Variants in WDR7 observed in about 807,000 individuals in gnomAD.
WDR7 encodes the protein WD repeat-containing protein 7.
A neutral mutation model predicts 169.4 loss-of-function variants in WDR7; 46 were observed. That is an observed-to-expected ratio of 0.27 (90% CI 0.21 to 0.35). The LOEUF (loss-of-function observed/expected upper bound fraction) is 0.35. Among genes scored for constraint, WDR7 ranks in the 10% least tolerant of loss-of-function variants. The pLI is 1.00. For missense variants in WDR7, 1,534 were observed against 1,859.3 expected (o/e 0.83, Z 3.22); for synonymous variants, 612 against 666.8 (o/e 0.92, Z 1.27).
chr18:57,000,081 C>A (rs971055594), intron 26 of WDR7, among the ~76,000 whole-genome samples: 1 of 152,062 alleles, frequency 6.6e-6, no homozygotes, highest in Admixed American at 6.6e-5. Context: ...TTGGAAGTAT[C>A]CAAATATTTT....
chr18:56,778,082 A>G (rs560523485), intron 17 of WDR7, among the ~76,000 whole-genome samples: 2 of 152,308 alleles, frequency 1.3e-5, no homozygotes, highest in East Asian at 1.9e-4. Context: ...TATCTAAAGT[A>G]TATCTCCCTC....
chr18:56,846,692 A>T (rs1055868577), intron 20 of WDR7, among the ~76,000 whole-genome samples: 1 of 152,104 alleles, frequency 6.6e-6, no homozygotes, highest in African/African-American at 2.4e-5. Flanking sequence ...TGGCTGTTTT[A>T]AAAAAGTCTG....
chr18:56,972,294 G>C (rs1162957375), intron 26 of WDR7, among the ~76,000 whole-genome samples: 1 of 152,198 alleles, frequency 6.6e-6, no homozygotes. Context: ...TTTACTTCTA[G>C]TTAGGAGGAG....
intron 13 of WDR7, among the ~76,000 whole-genome samples, chr18:56,720,317 G>A (rs2026292833): frequency 6.6e-6 from 1 of 151,252 alleles, no homozygotes; most frequent in Admixed American, 6.6e-5. Context: ...GGGTGTGGGG[G>A]CACATGCCTG....
At chr18:56,726,860 C>CTT (rs1328403159) in intron 13 of WDR7, among the ~76,000 whole-genome samples, 1 of 152,098 alleles carries the variant, frequency 6.6e-6, no homozygotes, top group Non-Finnish European at 1.5e-5. Flanking sequence ...ACAATCCTGT[C>CTT]TGAGTCCTGG....
intron 20 of WDR7, chr18:56,872,739 G>A (rs373674898): frequency 3.3e-5 from 5 of 152,034 alleles, no homozygotes; most frequent in Admixed American, 6.5e-5. Flanking sequence ...GTGATCAACC[G>A]TCCTGTCAAG....
chr18:56,730,277 A>C (rs1305996097), intron 13 of WDR7, among the ~76,000 whole-genome samples: 1 of 152,200 alleles, frequency 6.6e-6, no homozygotes, highest in Non-Finnish European at 1.5e-5. Flanking sequence ...TGTTCGTGTT[A>C]TGGAGAAAAT....
chr18:56,754,361 GTATA>G (rs1278354464), intron 14 of WDR7, among the ~76,000 whole-genome samples: 85 of 149,638 alleles, frequency 5.7e-4, no homozygotes, highest in African/African-American at 2.0e-3. Flanking sequence ...ATATGTGTGT[GTATA>G]TATACACGTA....
At chr18:56,759,691 A>G (rs762984688) in intron 16 of WDR7, among the ~76,000 whole-genome samples, 1 of 152,204 alleles carries the variant, frequency 6.6e-6, no homozygotes, top group Non-Finnish European at 1.5e-5. Context: ...AAAGTAAAGA[A>G]GTAAGCAACA....
intron 7 of WDR7, among the ~76,000 whole-genome samples, chr18:56,689,734 A>G (rs757127606): frequency 6.6e-6 from 1 of 152,012 alleles, no homozygotes; most frequent in Non-Finnish European, 1.5e-5. Context: ...ATATTCCTAC[A>G]TTATTGGAAT....
chr18:56,964,894 T>C (rs982393998), intron 26 of WDR7, among the ~76,000 whole-genome samples: 1 of 152,214 alleles, frequency 6.6e-6, no homozygotes, highest in Non-Finnish European at 1.5e-5. Flanking sequence ...TTACCAGTTA[T>C]ATCCAGTGAC....
At chr18:56,696,538 TCTAGA>T in intron 12 of WDR7, 76 bp downstream of exon 12, 1 of 1,204,526 alleles carries the variant, frequency 8.3e-7, no homozygotes. Flanking sequence ...GTAAATGGAA[TCTAGA>T]CTAACTTAAA....
chr18:56,913,053 T>G (rs11872872), intron 21 of WDR7, among the ~76,000 whole-genome samples: 122,789 of 151,602 alleles, frequency 0.81, 50,227 homozygotes, highest in East Asian at 0.98. Context: ...CAAGAATTTT[T>G]TGTAGAGACA....
chr18:56,680,285 G>A (rs1279545212), intron 3 of WDR7, among the ~76,000 whole-genome samples: 1 of 152,178 alleles, frequency 6.6e-6, no homozygotes, highest in Non-Finnish European at 1.5e-5. Context: ...CCGAGCCCAG[G>A]AGATTGAGGC....
chr18:56,687,111 C>A, intron 7 of WDR7, 137 bp downstream of exon 7: 1 of 882,208 alleles, frequency 1.1e-6, no homozygotes, highest in Non-Finnish European at 1.6e-6. Flanking sequence ...CTTTTGATAT[C>A]ACATTTTGAG....
At chr18:56,863,038 T>C (rs1158696141) in intron 20 of WDR7, among the ~76,000 whole-genome samples, 1 of 151,840 alleles carries the variant, frequency 6.6e-6, no homozygotes, top group Non-Finnish European at 1.5e-5. Context: ...CCAGTGAGAT[T>C]TGAGAGTCAA....
At chr18:56,827,606 T>C (rs1184896411) in intron 20 of WDR7, among the ~76,000 whole-genome samples, 1 of 151,884 alleles carries the variant, frequency 6.6e-6, no homozygotes, top group Non-Finnish European at 1.5e-5. Flanking sequence ...GGTACAAAAA[T>C]AGGTAGAAAG....
intron 26 of WDR7, chr18:57,009,727 A>G (rs2048111859): frequency 2.0e-6 from 1 of 488,494 alleles, no homozygotes; most frequent in Non-Finnish European, 2.7e-6. Context: ...AACACTTTCA[A>G]GCATTTCTCT....
At chr18:56,992,540 T>C (rs1488520187) in intron 26 of WDR7, among the ~76,000 whole-genome samples, 5 of 152,182 alleles carry the variant, frequency 3.3e-5, no homozygotes, top group Admixed American at 1.3e-4. Context: ...AACATATTTT[T>C]AACAAAACTC....
Sources: gnomAD v4.1 joint callset for allele counts (sites outside exome capture counted in the v4.1 genomes callset) on GRCh38, gnomAD v4.1.1 for gene constraint, MANE v1.5 for transcripts, NCBI Gene and HGNC (gene_info 2026-07-23, HGNC 2026-07-21) for gene names.